Variants in NAALADL2 observed in about 807,000 individuals in gnomAD.
NAALADL2 encodes N-acetylated alpha-linked acidic dipeptidase like 2, also known as inactive N-acetylated-alpha-linked acidic dipeptidase-like protein 2.
In NAALADL2, 76 loss-of-function variants were observed where a neutral mutation model predicts 87.2. The observed-to-expected ratio is 0.87, with a 90% CI of 0.72 to 1.05. The LOEUF (loss-of-function observed/expected upper bound fraction) is 1.05, where lower values mean the gene tolerates loss of function less well. Ranked by LOEUF, NAALADL2 falls within the 50% of genes least tolerant of loss-of-function variation. The pLI, the probability that NAALADL2 is intolerant of heterozygous loss-of-function variation, is 0.00. For synonymous variants in NAALADL2, 354 were observed against 331.0 expected, an observed-to-expected ratio of 1.07 and a Z score of -0.75; for missense variants, 1,089 against 945.8, an observed-to-expected ratio of 1.15 and a Z score of -1.99.
At chr3:174,660,703 T>C (rs1725424377) in intron 2 of NAALADL2, among the ~76,000 whole-genome samples, 1 of 152,164 alleles carries the variant, frequency 6.6e-6, no homozygotes, top group African/African-American at 2.4e-5. Context: ...TTCTGGGAAG[T>C]TCTTTTTGAA....
intron 5 of NAALADL2, among the ~76,000 whole-genome samples, chr3:175,396,199 G>A (rs143846776): frequency 1.4e-3 from 206 of 152,088 alleles, no homozygotes; most frequent in African/African-American, 4.3e-3. Context: ...GACCTTATGC[G>A]TACAGGACAA....
chr3:174,601,616 G>T (rs1399402832), intron 2 of NAALADL2, among the ~76,000 whole-genome samples: 1 of 152,034 alleles, frequency 6.6e-6, no homozygotes, highest in Non-Finnish European at 1.5e-5. Flanking sequence ...TTTGTTGATT[G>T]TATCCTTTGC....
intron 5 of NAALADL2, among the ~76,000 whole-genome samples, chr3:175,421,037 G>A (rs758924521): frequency 4.6e-5 from 7 of 151,988 alleles, no homozygotes; most frequent in Middle Eastern, 3.4e-3. Context: ...AGAATATATC[G>A]TGCTTTTTTT....
intron 1 of NAALADL2, among the ~76,000 whole-genome samples, chr3:175,081,857 G>T (rs1717899734): frequency 6.6e-6 from 1 of 152,084 alleles, no homozygotes; most frequent in African/African-American, 2.4e-5. Context: ...ATATTTTCAT[G>T]ACTCTAATAT....
chr3:175,375,197 T>C (rs1766998213), intron 5 of NAALADL2, among the ~76,000 whole-genome samples: 1 of 152,198 alleles, frequency 6.6e-6, no homozygotes, highest in South Asian at 2.1e-4. Context: ...TAGTTAGTCT[T>C]GACATTTTTT....
intron 1 of NAALADL2, among the ~76,000 whole-genome samples, chr3:175,060,287 T>C (rs1662354721): frequency 6.6e-6 from 1 of 152,206 alleles, no homozygotes; most frequent in African/African-American, 2.4e-5. Context: ...ATTTCACTTA[T>C]AAACATATCT....
intron 1 of NAALADL2, among the ~76,000 whole-genome samples, chr3:174,890,179 TAAAG>T (rs539511942): frequency 0.015 from 2,223 of 151,862 alleles, 52 homozygotes; most frequent in African/African-American, 0.051. Context: ...TGTATAGTAA[TAAAG>T]AAAAAGAAAT....
At chr3:175,025,994 A>G (rs1245228008) in intron 1 of NAALADL2, among the ~76,000 whole-genome samples, 2 of 151,962 alleles carry the variant, frequency 1.3e-5, no homozygotes, top group Admixed American at 1.3e-4. Context: ...TAATTTTTGT[A>G]AAGACGGGGT....
At chr3:174,495,228 G>A (rs1267454965) in intron 1 of NAALADL2, among the ~76,000 whole-genome samples, 2 of 142,282 alleles carry the variant, frequency 1.4e-5, no homozygotes, top group African/African-American at 5.3e-5. Context: ...AGCAATATGT[G>A]TAGAGTTGCT....
At chr3:174,794,981 C>CTTTTGTTTTTTTTTTTTTTT (rs1717907441) in intron 3 of NAALADL2, among the ~76,000 whole-genome samples, 1 of 66,696 alleles carries the variant, frequency 1.5e-5, no homozygotes, top group Non-Finnish European at 2.8e-5. Context: ...TCTAGTCCAG[C>CTTTTGTTTTTTTTTTTTTTT]TTTTTTTTTT....
intron 11 of NAALADL2, among the ~76,000 whole-genome samples, chr3:175,683,856 A>T (rs2149890842): frequency 6.6e-6 from 1 of 152,222 alleles, no homozygotes; most frequent in South Asian, 2.1e-4. Flanking sequence ...CATTACATTT[A>T]ACGGAAATAA....
intron 1 of NAALADL2, among the ~76,000 whole-genome samples, chr3:174,885,950 G>T: frequency 4.6e-5 from 5 of 109,144 alleles, no homozygotes; most frequent in Non-Finnish European, 8.8e-5. Flanking sequence ...GTCTCCCACT[G>T]TTGCCCAGGC....
chr3:175,719,109 A>T (rs1241288342), intron 11 of NAALADL2, among the ~76,000 whole-genome samples: 2 of 152,152 alleles, frequency 1.3e-5, no homozygotes, highest in African/African-American at 4.8e-5. Flanking sequence ...TTGAGGAAGA[A>T]GGTCTTGGTT....
At chr3:174,862,850 C>G (rs1726668531) in intron 1 of NAALADL2, among the ~76,000 whole-genome samples, 1 of 152,054 alleles carries the variant, frequency 6.6e-6, no homozygotes, top group African/African-American at 2.4e-5. Flanking sequence ...AATAGCTCTC[C>G]TTCTACTTCA....
At chr3:175,013,675 G>A (rs1750450164) in intron 1 of NAALADL2, among the ~76,000 whole-genome samples, 1 of 151,890 alleles carries the variant, frequency 6.6e-6, no homozygotes, top group South Asian at 2.1e-4. Flanking sequence ...TTCCATTTGA[G>A]AAAATTCTTC....
chr3:174,586,695 G>T (rs1403313725), intron 2 of NAALADL2, among the ~76,000 whole-genome samples: 1 of 152,160 alleles, frequency 6.6e-6, no homozygotes, highest in African/African-American at 2.4e-5. Flanking sequence ...GATAAGGAAT[G>T]AATCTCTGAG....
intron 2 of NAALADL2, among the ~76,000 whole-genome samples, chr3:175,139,343 T>A (rs572394405): frequency 1.3e-5 from 2 of 152,198 alleles, no homozygotes; most frequent in Admixed American, 1.3e-4. Flanking sequence ...AAAAGAAGTT[T>A]GGTTTCCTTT....
intron 4 of NAALADL2, chr3:175,256,826 C>G (rs1413741083): frequency 5.2e-6 from 1 of 193,102 alleles, no homozygotes; most frequent in Non-Finnish European, 1.1e-5. Flanking sequence ...GCATACTCTT[C>G]ATAATGGTAC....
chr3:174,793,173 C>T (rs1717667176), intron 3 of NAALADL2, among the ~76,000 whole-genome samples: 1 of 151,904 alleles, frequency 6.6e-6, no homozygotes, highest in Non-Finnish European at 1.5e-5. Context: ...TTGTTTTGTT[C>T]TATTCTTTTA....
Sources: gnomAD v4.1 joint callset for allele counts (sites outside exome capture counted in the v4.1 genomes callset) on GRCh38, gnomAD v4.1.1 for gene constraint, MANE v1.5 for transcripts, NCBI Gene and HGNC (gene_info 2026-07-23, HGNC 2026-07-21) for gene names.